DYNC1I1: variants seen among roughly 807,000 people sequenced by gnomAD.
DYNC1I1 encodes cytoplasmic dynein 1 intermediate chain 1.
A neutral mutation model predicts 86.6 loss-of-function variants in DYNC1I1; 43 were observed. That is an observed-to-expected ratio of 0.50 (90% CI 0.39 to 0.64). DYNC1I1 has a LOEUF of 0.64. Ranked by LOEUF, DYNC1I1 falls within the 30% of genes least tolerant of loss-of-function variation. The pLI, the probability that DYNC1I1 is intolerant of heterozygous loss-of-function variation, is 0.00. For synonymous variants in DYNC1I1, 262 were observed against 283.7 expected (o/e 0.92, Z 0.77); for missense variants, 604 against 788.8 (o/e 0.77, Z 2.81).
chr7:95,793,255 T>G (rs1383518854), intron 1 of DYNC1I1, among the ~76,000 whole-genome samples: 1 of 151,894 alleles, frequency 6.6e-6, no homozygotes, highest in African/African-American at 2.4e-5. Flanking sequence ...GTGGTCAAAT[T>G]GGGAGGACTT....
chr7:95,968,658 T>G (rs2115564821), intron 6 of DYNC1I1, among the ~76,000 whole-genome samples: 1 of 152,266 alleles, frequency 6.6e-6, no homozygotes, highest in South Asian at 2.1e-4. Flanking sequence ...AACTGCAGAT[T>G]TGCACATTGG....
chr7:95,841,786 A>G (rs905869858), intron 5 of DYNC1I1, among the ~76,000 whole-genome samples: 3 of 152,202 alleles, frequency 2.0e-5, no homozygotes, highest in Non-Finnish European at 4.4e-5. Flanking sequence ...ACCCTTGGGC[A>G]GCAGCTGAAA....
intron 1 of DYNC1I1, among the ~76,000 whole-genome samples, chr7:95,795,504 A>T (rs970183897): frequency 1.3e-5 from 2 of 152,228 alleles, no homozygotes; most frequent in Non-Finnish European, 2.9e-5. Context: ...CATTAATGGT[A>T]GACTGGATAA....
intron 6 of DYNC1I1, among the ~76,000 whole-genome samples, chr7:95,870,577 T>C (rs1301932424): frequency 6.6e-6 from 1 of 152,226 alleles, no homozygotes; most frequent in Admixed American, 6.5e-5. Context: ...TGATTTGGTT[T>C]GCCAATTGAG....
intron 10 of DYNC1I1, among the ~76,000 whole-genome samples, chr7:96,019,704 TA>T (rs1446100238): frequency 2.6e-5 from 4 of 152,104 alleles, no homozygotes; most frequent in African/African-American, 7.2e-5. Context: ...AATAAGGACT[TA>T]AAATAGTTAA....
At position 96,028,199 on chromosome 7, in the gene DYNC1I1, GC is replaced by G. The variant is rs1562977057; in HGVS notation, c.997del (p.Arg333ValfsTer46). ...GTCCTCTGTGATGTCGGTCTGCTTCGCCCGTTTCCATCCTAACTTGGTGGTT... is the reference window on the plus strand; with the variant it reads ...GTCCTCTGTGATGTCGGTCTGCTTCGCCGTTTCCATCCTAACTTGGTGGTT... ...CQSSVMSVCF[A>X]RFHPNLVVGG... On this transcript the variant is annotated frameshift_variant, in exon 11 of 17. Coordinates refer to ENST00000447467, the MANE Select transcript of DYNC1I1 (RefSeq NM_001135556.2). LOFTEE classifies it high-confidence loss of function. The G allele has an allele frequency of 6.2e-7, 1 of 1,613,408 alleles. No homozygotes were observed.
chr7:96,033,906 A>T (rs554295972), intron 12 of DYNC1I1, among the ~76,000 whole-genome samples: 166 of 152,240 alleles, frequency 1.1e-3, no homozygotes, highest in Non-Finnish European at 2.1e-3. Context: ...GTTCCTTGGG[A>T]GGCTCAGGCA....
chr7:95,821,727 A>T (rs1271599745), intron 4 of DYNC1I1, among the ~76,000 whole-genome samples: 1 of 152,002 alleles, frequency 6.6e-6, no homozygotes, highest in African/African-American at 2.4e-5. Context: ...TTTTATTTTC[A>T]TAGGCTGAGG....
intron 14 of DYNC1I1, among the ~76,000 whole-genome samples, chr7:96,051,241 G>A (rs752877104): frequency 2.6e-5 from 4 of 152,082 alleles, no homozygotes; most frequent in Non-Finnish European, 4.4e-5. Context: ...CAACTTCAGG[G>A]GGATTTAGGT....
chr7:95,816,512 A>G (rs529363711), intron 4 of DYNC1I1, among the ~76,000 whole-genome samples: 1 of 152,268 alleles, frequency 6.6e-6, no homozygotes, highest in African/African-American at 2.4e-5. Flanking sequence ...TTTTGGTTTT[A>G]TCTTCTTTCT....
chr7:95,885,727 T>C (rs1790576340), intron 6 of DYNC1I1, among the ~76,000 whole-genome samples: 1 of 152,178 alleles, frequency 6.6e-6, no homozygotes, highest in Non-Finnish European at 1.5e-5. Flanking sequence ...CTTCAAGCAG[T>C]CCTCCTGCCT....
At chr7:95,834,968 T>C (rs1349797278) in intron 5 of DYNC1I1, among the ~76,000 whole-genome samples, 1 of 148,224 alleles carries the variant, frequency 6.7e-6, no homozygotes, top group Non-Finnish European at 1.5e-5. Flanking sequence ...TGTCTCTATT[T>C]CCTTCAGTTC....
At chr7:95,964,756 G>A (rs1792964927) in intron 6 of DYNC1I1, among the ~76,000 whole-genome samples, 1 of 152,214 alleles carries the variant, frequency 6.6e-6, no homozygotes, top group Non-Finnish European at 1.5e-5. Flanking sequence ...ACAATGGATG[G>A]TGGTATGTTG....
intron 6 of DYNC1I1, among the ~76,000 whole-genome samples, chr7:95,950,418 A>G (rs1386125318): frequency 1.3e-5 from 2 of 152,088 alleles, no homozygotes; most frequent in African/African-American, 2.4e-5. Context: ...ACCCATCCAC[A>G]TTTACTTTGT....
intron 5 of DYNC1I1, among the ~76,000 whole-genome samples, chr7:95,851,079 G>C (rs1789564995): frequency 6.6e-6 from 1 of 150,676 alleles, no homozygotes; most frequent in South Asian, 2.1e-4. Context: ...TGGGACCACA[G>C]CGTACCCTAC....
At chr7:95,844,027 A>T (rs1024297719) in intron 5 of DYNC1I1, among the ~76,000 whole-genome samples, 45 of 152,342 alleles carry the variant, frequency 3.0e-4, no homozygotes, top group African/African-American at 1.1e-3. Flanking sequence ...TCTTATGAAG[A>T]GAACATAAAT....
chr7:95,804,457 G>A (rs569435775), intron 1 of DYNC1I1: 10 of 1,081,900 alleles, frequency 9.2e-6, no homozygotes, highest in South Asian at 1.5e-5. Flanking sequence ...TGGAAGTTGC[G>A]ATTCTTGCTT....
intron 11 of DYNC1I1, among the ~76,000 whole-genome samples, chr7:96,030,107 G>A (rs924562070): frequency 5.3e-4 from 80 of 151,858 alleles, no homozygotes; most frequent in Admixed American, 4.6e-4. Context: ...TTGGCTGACT[G>A]ATTGGTACCA....
intron 6 of DYNC1I1, among the ~76,000 whole-genome samples, chr7:95,892,886 C>T (rs1790780815): frequency 6.6e-6 from 1 of 152,202 alleles, no homozygotes; most frequent in Non-Finnish European, 1.5e-5. Context: ...GTGAAATCCA[C>T]AATCACTTGC....
Sources: gnomAD v4.1 joint callset for allele counts (sites outside exome capture counted in the v4.1 genomes callset) on GRCh38, gnomAD v4.1.1 for gene constraint, MANE v1.5 for transcripts, NCBI Gene and HGNC (gene_info 2026-07-23, HGNC 2026-07-21) for gene names.